The following NPSR1 variants were observed in gnomAD, a reference collection of about 807,000 sequenced individuals.
NPSR1 encodes the protein neuropeptide S receptor 1.
Under a neutral mutation model 46.9 loss-of-function variants are expected in NPSR1, and 48 were observed. That is an observed-to-expected ratio of 1.02 (90% CI 0.81 to 1.30). The LOEUF (loss-of-function observed/expected upper bound fraction) is 1.30. NPSR1 is among the 50% of genes most tolerant of loss of function. The pLI, the probability that NPSR1 is intolerant of heterozygous loss-of-function variation, is 0.00. For missense variants in NPSR1, 450 were observed against 449.5 expected (o/e 1.00, Z -0.01); for synonymous variants, 176 against 168.1 (o/e 1.05, Z -0.36).
intron 3 of NPSR1, among the ~76,000 whole-genome samples, chr7:34,807,345 A>AT (rs1562744078): frequency 1.3e-5 from 2 of 151,670 alleles, no homozygotes; most frequent in South Asian, 2.1e-4. Flanking sequence ...TATGAAGTCT[A>AT]TTTTTTTCTA....
intron 2 of NPSR1, among the ~76,000 whole-genome samples, chr7:34,708,694 T>C (rs1280211606): frequency 6.6e-6 from 1 of 152,190 alleles, no homozygotes; most frequent in Non-Finnish European, 1.5e-5. Flanking sequence ...GCCCAAGTAT[T>C]GGAAACCTTT....
chr7:34,865,104 G>A (rs1791281569), intron 8 of NPSR1, among the ~76,000 whole-genome samples: 1 of 151,800 alleles, frequency 6.6e-6, no homozygotes, highest in Non-Finnish European at 1.5e-5. Context: ...CTTAGAAGAG[G>A]GCAAAGCCAC....
chr7:34,791,229 A>G (rs1787857630), intron 3 of NPSR1, among the ~76,000 whole-genome samples: 1 of 114,150 alleles, frequency 8.8e-6, no homozygotes. Context: ...TATGTTATAT[A>G]TTATATTATA....
At chr7:34,751,742 T>G (rs1383469490) in intron 2 of NPSR1, 2 of 1,586,004 alleles carry the variant, frequency 1.3e-6, no homozygotes, top group East Asian at 2.2e-5. Flanking sequence ...TGACTGGTTC[T>G]CTTCTCTTCT....
chr7:34,853,987 CA>C (rs373034215), downstream of NPSR1, among the ~76,000 whole-genome samples: 24 of 148,294 alleles, frequency 1.6e-4, no homozygotes, highest in African/African-American at 5.2e-4. Flanking sequence ...AAACAAAAAA[CA>C]AAAAAAACAT....
At chr7:34,832,510 T>C (rs989754875) in intron 5 of NPSR1, among the ~76,000 whole-genome samples, 1 of 152,014 alleles carries the variant, frequency 6.6e-6, no homozygotes, top group African/African-American at 2.4e-5. Flanking sequence ...CAAAACCCTG[T>C]GTCCAAAAAA....
intron 4 of NPSR1, among the ~76,000 whole-genome samples, chr7:34,817,534 A>G (rs995558592): frequency 8.3e-5 from 8 of 95,928 alleles, no homozygotes; most frequent in African/African-American, 1.3e-4. Flanking sequence ...TCCAATCAAT[A>G]GAAAAAGAGG....
intron 8 of NPSR1, among the ~76,000 whole-genome samples, chr7:34,868,782 G>T (rs1584159591): frequency 6.6e-6 from 1 of 151,664 alleles, no homozygotes; most frequent in South Asian, 2.1e-4. Context: ...CAGGCAGGCA[G>T]GGTCACTAGA....
intron 3 of NPSR1, among the ~76,000 whole-genome samples, chr7:34,811,496 T>C (rs1232826784): frequency 1.3e-5 from 2 of 152,136 alleles, no homozygotes; most frequent in African/African-American, 4.8e-5. Context: ...AAAAGGCAAC[T>C]TTTTGGGCAC....
intron 1 of NPSR1, among the ~76,000 whole-genome samples, chr7:34,660,833 A>G (rs544361367): frequency 6.6e-6 from 1 of 151,988 alleles, no homozygotes; most frequent in Non-Finnish European, 1.5e-5. Context: ...TGCTTCCTCC[A>G]TGAAGCCCTC....
chr7:34,723,744 C>A (rs1190029089), intron 2 of NPSR1, among the ~76,000 whole-genome samples: 1 of 152,090 alleles, frequency 6.6e-6, no homozygotes, highest in Non-Finnish European at 1.5e-5. Context: ...TGTGCTCAAG[C>A]AATCCCTTCA....
chr7:34,820,958 C>T (rs1251299769), intron 4 of NPSR1, among the ~76,000 whole-genome samples: 3 of 152,016 alleles, frequency 2.0e-5, no homozygotes, highest in South Asian at 2.1e-4. Flanking sequence ...TTGATGTTAA[C>T]GCTGGAGAGG....
rs115518146 is a variant in NPSR1, at chr7:34,753,025, T to C, written c.281-25437T>C. On this transcript the variant is annotated intron_variant, in intron 2 of 8. Transcript: ENST00000360581. ...GAGCAATTTGAAGATAGGAATGGAG[T>C]TTCCTTCCTTGCATTCTCAGCACAT... Among the ~76,000 whole-genome samples, 1,109 of 152,262 alleles carry C rather than the reference T, an allele frequency of 7.3e-3. 16 individuals carry two copies. Among genetic ancestry groups the C allele is most frequent in the African/African-American group, 0.025 (1,052 of 41,560 alleles).
rs536635727 is a variant in NPSR1, at chr7:34,872,103, A to C, written c.1026-5973A>C. Among the ~76,000 whole-genome samples, 23 of 151,974 alleles carry C rather than the reference A, an allele frequency of 1.5e-4. No homozygotes were observed. The East Asian group carries it at 4.4e-3, about 29-fold the overall frequency. On this transcript the variant is annotated intron_variant, in intron 8 of 8. Coordinates refer to the NPSR1 transcript ENST00000359791. ...CTGGGCACCAAGCTCTTCCATAATC[A>C]TCTGAAATCTAGGTGGAAGCCTCAT... is the stretch of plus-strand genomic sequence containing the variant.
chr7:34,709,307 G>A (rs1056302196), intron 2 of NPSR1, among the ~76,000 whole-genome samples: 4 of 152,026 alleles, frequency 2.6e-5, no homozygotes, highest in Admixed American at 6.6e-5. Flanking sequence ...ACTGAACTCT[G>A]CCAAAAACTC....
intron 2 of NPSR1, among the ~76,000 whole-genome samples, chr7:34,775,031 C>T (rs1488096167): frequency 6.6e-6 from 1 of 152,122 alleles, no homozygotes; most frequent in African/African-American, 2.4e-5. Context: ...AAAACTTTAC[C>T]GATGTGGCAT....
chr7:34,735,524 A>G (rs1460311660), intron 2 of NPSR1, among the ~76,000 whole-genome samples: 1 of 152,226 alleles, frequency 6.6e-6, no homozygotes, highest in Non-Finnish European at 1.5e-5. Flanking sequence ...CCTTCCCTCC[A>G]AAGAATAAAT....
intron 1 of NPSR1, 78 bp from the exon 2 acceptor site, chr7:34,684,474 C>G: frequency 6.9e-7 from 1 of 1,455,556 alleles, no homozygotes; most frequent in Non-Finnish European, 9.4e-7. Flanking sequence ...AGGAAGAAAT[C>G]CAGCCTGGGG....
At chr7:34,684,488 G>T in intron 1 of NPSR1, 64 bp from the exon 2 acceptor site, 1 of 1,535,962 alleles carries the variant, frequency 6.5e-7, no homozygotes, top group East Asian at 2.3e-5. Context: ...CCTGGGGCAG[G>T]CATTCTGTAA....
Sources: gnomAD v4.1 joint callset for allele counts (sites outside exome capture counted in the v4.1 genomes callset) on GRCh38, gnomAD v4.1.1 for gene constraint, MANE v1.5 for transcripts, NCBI Gene and HGNC (gene_info 2026-07-23, HGNC 2026-07-21) for gene names.